ZNF385D: variants seen among roughly 807,000 people sequenced by gnomAD.
ZNF385D encodes the protein zinc finger protein 659.
ZNF385D carries 15 observed loss-of-function variants against 35.8 expected under a neutral mutation model. The observed-to-expected ratio is 0.42, with a 90% CI of 0.28 to 0.64. The LOEUF (loss-of-function observed/expected upper bound fraction) is 0.64, where lower values mean the gene tolerates loss of function less well. ZNF385D is among the 30% of genes least tolerant of loss of function. ZNF385D has a pLI of 0.23. For missense variants in ZNF385D, 474 were observed against 494.6 expected, an observed-to-expected ratio of 0.96 and a Z score of 0.39; for synonymous variants, 212 against 186.8, an observed-to-expected ratio of 1.13 and a Z score of -1.10.
At chr3:21,678,487 C>T (rs967482493) in intron 1 of ZNF385D, among the ~76,000 whole-genome samples, 1 of 152,092 alleles carries the variant, frequency 6.6e-6, no homozygotes, top group South Asian at 2.1e-4. Context: ...GACCTAATCA[C>T]TGTAAACCCA....
chr3:21,653,341 GT>G (rs1195451093), intron 2 of ZNF385D, among the ~76,000 whole-genome samples: 3 of 150,062 alleles, frequency 2.0e-5, no homozygotes, highest in Non-Finnish European at 4.4e-5. Context: ...GTTTCCCATT[GT>G]TTATATTGTT....
rs1304750257 is a variant in ZNF385D at position 21,835,840 on chromosome 3, A to G, written c.326-170812T>C. ...TCCCTCCAACTAAATGTCTCTGTCA[A>G]TTTGGGATCCTGAGATTATATTCCA... On this transcript the variant is annotated intron_variant, in intron 3 of 5. Transcript: ENST00000494108. Among the ~76,000 whole-genome samples, 4 of 152,200 alleles carry G rather than the reference A, an allele frequency of 2.6e-5. No individual in the cohort carries two copies. In the South Asian group the frequency reaches 8.3e-4, roughly 32 times the overall value.
At chr3:22,244,199 C>A (rs1490885189) in intron 2 of ZNF385D, among the ~76,000 whole-genome samples, 2 of 149,996 alleles carry the variant, frequency 1.3e-5, no homozygotes, top group Admixed American at 6.6e-5. Flanking sequence ...TAAACTTTTT[C>A]TCTAGGGTTT....
At chr3:21,791,615 C>G (rs746582913) in intron 3 of ZNF385D, among the ~76,000 whole-genome samples, 1 of 152,164 alleles carries the variant, frequency 6.6e-6, no homozygotes, top group African/African-American at 2.4e-5. Flanking sequence ...ATTAGCAGCT[C>G]TAACGGTTTT....
At chr3:22,259,193 T>A (rs887726041) in intron 2 of ZNF385D, among the ~76,000 whole-genome samples, 63 of 151,922 alleles carry the variant, frequency 4.1e-4, no homozygotes, top group Non-Finnish European at 3.8e-4. Context: ...ATTTCCCAAA[T>A]ATTGATATAT....
chr3:21,728,790 G>A (rs970158150), intron 1 of ZNF385D, among the ~76,000 whole-genome samples: 1 of 152,086 alleles, frequency 6.6e-6, no homozygotes, highest in Non-Finnish European at 1.5e-5. Context: ...CCTGCAAGCC[G>A]GCTCACCCCT....
At chr3:22,260,923 GCTA>G (rs1700594127) in intron 2 of ZNF385D, among the ~76,000 whole-genome samples, 1 of 151,986 alleles carries the variant, frequency 6.6e-6, no homozygotes, top group African/African-American at 2.4e-5. Flanking sequence ...TAACCATTAT[GCTA>G]CTATTTCAAA....
intron 3 of ZNF385D, among the ~76,000 whole-genome samples, chr3:22,085,565 G>C (rs925131825): frequency 6.6e-6 from 1 of 152,152 alleles, no homozygotes; most frequent in Admixed American, 6.5e-5. Flanking sequence ...AACAGGCTCT[G>C]AAATTGAGGC....
intron 2 of ZNF385D, among the ~76,000 whole-genome samples, chr3:22,191,321 C>A (rs1297714909): frequency 6.6e-6 from 1 of 151,934 alleles, no homozygotes; most frequent in African/African-American, 2.4e-5. Context: ...AACCCCGTCT[C>A]TACTGAAAAT....
intron 2 of ZNF385D, among the ~76,000 whole-genome samples, chr3:22,318,947 G>C (rs1174116086): frequency 1.3e-5 from 2 of 152,102 alleles, no homozygotes; most frequent in African/African-American, 4.8e-5. Context: ...CATTTTTTGA[G>C]AAAGTAGCAT....
chr3:22,202,810 A>G (rs1441910872), intron 2 of ZNF385D, among the ~76,000 whole-genome samples: 2 of 152,124 alleles, frequency 1.3e-5, no homozygotes, highest in East Asian at 3.9e-4. Context: ...CACTGAGCAG[A>G]GCTCATCTGG....
intron 3 of ZNF385D, among the ~76,000 whole-genome samples, chr3:22,136,566 A>T (rs1194910830): frequency 6.6e-6 from 1 of 152,222 alleles, no homozygotes; most frequent in Non-Finnish European, 1.5e-5. Flanking sequence ...TAATAAGGGT[A>T]GGAAAAATCC....
intron 2 of ZNF385D, among the ~76,000 whole-genome samples, chr3:21,627,829 G>A (rs1197266937): frequency 6.6e-6 from 1 of 152,034 alleles, no homozygotes; most frequent in Non-Finnish European, 1.5e-5. Flanking sequence ...TAAGGAAAGA[G>A]GTCTGCTGGT....
intron 1 of ZNF385D, among the ~76,000 whole-genome samples, chr3:21,732,025 T>C (rs1379459843): frequency 3.1e-5 from 4 of 127,808 alleles, no homozygotes; most frequent in Non-Finnish European, 6.5e-5. Flanking sequence ...TTTTCTTTTT[T>C]CGGGGTTTTT....
intron 3 of ZNF385D, among the ~76,000 whole-genome samples, chr3:22,138,907 C>T (rs1405974656): frequency 6.6e-6 from 1 of 152,084 alleles, no homozygotes; most frequent in Non-Finnish European, 1.5e-5. Context: ...AAAATTTTTG[C>T]AACCTACTCA....
At chr3:21,820,714 A>G (rs1040556037) in intron 3 of ZNF385D, among the ~76,000 whole-genome samples, 2 of 151,862 alleles carry the variant, frequency 1.3e-5, no homozygotes, top group East Asian at 1.9e-4. Flanking sequence ...ATAAATAAGT[A>G]ATTTCAGGAA....
At chr3:21,972,026 C>G (rs1392186851) in intron 3 of ZNF385D, among the ~76,000 whole-genome samples, 1 of 151,868 alleles carries the variant, frequency 6.6e-6, no homozygotes, top group African/African-American at 2.4e-5. Flanking sequence ...CTTCAACATC[C>G]ATTTTCAGCA....
intron 3 of ZNF385D, among the ~76,000 whole-genome samples, chr3:22,018,239 GT>G (rs72430891): frequency 0.054 from 7,951 of 148,090 alleles, 703 homozygotes; most frequent in African/African-American, 0.18. Flanking sequence ...AGGGATATGT[GT>G]TTTTTTTTAA....
chr3:22,225,442 C>G (rs2638143), intron 2 of ZNF385D, among the ~76,000 whole-genome samples: 1 of 151,928 alleles, frequency 6.6e-6, no homozygotes, highest in African/African-American at 2.4e-5. Context: ...AATTAAATTT[C>G]TTTCCCCACT....
Sources: gnomAD v4.1 joint callset for allele counts (sites outside exome capture counted in the v4.1 genomes callset) on GRCh38, gnomAD v4.1.1 for gene constraint, MANE v1.5 for transcripts, NCBI Gene and HGNC (gene_info 2026-07-23, HGNC 2026-07-21) for gene names.